ZNF793: variants seen among roughly 807,000 people sequenced by gnomAD.
The protein encoded by ZNF793 is zinc finger protein 793.
Under a neutral mutation model 12.4 loss-of-function variants are expected in ZNF793, and 5 were observed. The ratio of observed to expected loss-of-function variants is 0.40; its 90% CI spans 0.21 to 0.84. ZNF793 has a LOEUF of 0.84. Among genes scored for constraint, ZNF793 ranks in the 40% least tolerant of loss-of-function variants. The pLI, the probability that ZNF793 is intolerant of heterozygous loss-of-function variation, is 0.35. For missense variants in ZNF793, 456 were observed against 495.0 expected (o/e 0.92, Z 0.75); for synonymous variants, 162 against 172.4 (o/e 0.94, Z 0.47).
In ZNF793 at chr19:37,537,360, A is replaced by G. The variant is rs561899372; in HGVS notation, c.702A>G (p.Lys234=). Residue 234 remains lysine (K), a synonymous_variant, in exon 8 of 8, where the codon AAA becomes AAG. Coordinates refer to ENST00000627814, the MANE Select transcript of ZNF793 (RefSeq NM_001013659.3). ...EKPHVCSECG[K]AFCYKSEFIR... is the part of the protein sequence containing the mutation. ...CCCACGTCTGTAGTGAGTGTGGGAA[A>G]GCCTTCTGCTACAAGTCTGAATTCA... 2.0e-4 allele frequency: 325 copies of G among 1,613,168 alleles called. 5 individuals carry two copies. In the South Asian group the frequency reaches 3.3e-3, roughly 17 times the overall value.
At chr19:37,520,003 G>C (rs78409487) in intron 2 of ZNF793, among the ~76,000 whole-genome samples, 181 bp from the exon 3 acceptor site, 1 of 152,182 alleles carries the variant, frequency 6.6e-6, no homozygotes, top group Admixed American at 6.5e-5. Context: ...GTCATTCCTT[G>C]GCTCAGGGAG....
At chr19:37,534,538 A>T (rs2042488875) in intron 7 of ZNF793, 1 of 151,788 alleles carries the variant, frequency 6.6e-6, no homozygotes, top group African/African-American at 2.4e-5. Context: ...ACACCACTTC[A>T]TCTTGCTTAT....
chr19:37,521,898 A>AT lies in ZNF793; in HGVS notation c.-146-633dup, dbSNP rs1233325946. 2.0e-5 allele frequency among the ~76,000 whole-genome samples: 3 copies of AT among 152,234 alleles called. No homozygotes were observed. In the South Asian group the frequency reaches 6.2e-4, roughly 32 times the overall value. On this transcript the variant is annotated intron_variant, in intron 3 of 7. Transcript: ENST00000627814. ...TATATACAAATATATATGTATATAGATAATTATGTTATATCATAAATATAT... is the reference window on the plus strand; with the variant it reads ...TATATACAAATATATATGTATATAGATTAATTATGTTATATCATAAATATAT...
rs2042552614 is a variant in ZNF793 at position 37,541,648 on chromosome 19, C to T, written c.*3769C>T. 6.6e-6 allele frequency: 1 copy of T among 151,776 alleles called. No homozygotes were observed. Among genetic ancestry groups the T allele is most frequent in the Non-Finnish European group, 1.5e-5 (1 of 68,020 alleles). The allele number at this position is 151,776 out of a possible 1,614,324, so 9.4% of individuals were successfully genotyped here. On this transcript the variant is annotated 3_prime_UTR_variant, in exon 8 of 8. Coordinates refer to ENST00000627814, the MANE Select transcript of ZNF793 (RefSeq NM_001013659.3). Reference sequence around the variant, plus strand: ...GAGCTGAGATTGCACCACTGCACTCCAGCCTGGGCAACAGAGCAAGACTCC... The same window carrying T: ...GAGCTGAGATTGCACCACTGCACTCTAGCCTGGGCAACAGAGCAAGACTCC...
chr19:37,529,849 C>T (rs1600417594), intron 5 of ZNF793, among the ~76,000 whole-genome samples: 2 of 152,072 alleles, frequency 1.3e-5, no homozygotes, highest in African/African-American at 2.4e-5. Flanking sequence ...GGGTGTTTTT[C>T]GTTAGGTGGA....
chr19:37,509,812 G>A (rs780442031), intron 2 of ZNF793, among the ~76,000 whole-genome samples: 3 of 152,142 alleles, frequency 2.0e-5, no homozygotes, highest in Non-Finnish European at 4.4e-5. Flanking sequence ...ATACCCCTGG[G>A]TAATGCACTC....
chr19:37,524,152 AAATAAT>A (rs200203820), intron 5 of ZNF793, among the ~76,000 whole-genome samples: 23,084 of 138,716 alleles, frequency 0.17, 1,967 homozygotes, highest in East Asian at 0.26. Flanking sequence ...CTCCATCTCA[AAATAAT>A]AATAATAATA....
At chr19:37,507,964 G>A (rs561810455) in intron 1 of ZNF793, among the ~76,000 whole-genome samples, 1 of 152,228 alleles carries the variant, frequency 6.6e-6, no homozygotes, top group Admixed American at 6.5e-5. Context: ...TGGTGTTGAG[G>A]GTCCTGAAAT....
Position 37,532,364 on chromosome 19 carries a change from G to C in ZNF793, c.24G>C (p.Val8=). 6.2e-7 allele frequency: 1 copy of C among 1,613,826 alleles called. No individual in the cohort carries two copies. Among genetic ancestry groups the C allele is most frequent in the East Asian group, 2.2e-5 (1 of 44,872 alleles). Residue 8 remains valine, a synonymous_variant, in exon 6 of 8, where the codon GTG becomes GTC. Coordinates refer to ENST00000627814, the MANE Select transcript of ZNF793 (RefSeq NM_001013659.3). ...CATTTTTGTTTCAACAGATACCTGTGTCATTCAAAGATGTGGTTGTGGGCT... is the reference window on the plus strand; with the variant it reads ...CATTTTTGTTTCAACAGATACCTGTCTCATTCAAAGATGTGGTTGTGGGCT... MIEYQIP[V]SFKDVVVGFT...
intron 2 of ZNF793, among the ~76,000 whole-genome samples, chr19:37,515,300 TTTTTTTC>T (rs1473329641): frequency 2.0e-5 from 3 of 151,810 alleles, no homozygotes; most frequent in African/African-American, 4.8e-5. Flanking sequence ...GACTTTTTTC[TTTTTTTC>T]TTTTTTCTTT....
rs574010164 is a variant in ZNF793 at position 37,538,175 on chromosome 19, A to C, written c.*296A>C. 2 of 277,324 alleles carry C rather than the reference A, an allele frequency of 7.2e-6. No individual in the cohort carries two copies. The highest frequency in any genetic ancestry group is 7.5e-5 in the East Asian group (1 of 13,398). 17.2% of individuals were successfully genotyped at this position (277,324 alleles called of 1,614,324 possible). ...TGTGATCTGCCCGCCTTGTCCTCCC[A>C]AAGTGCTGGGATTACAGGCGTGAGC... On this transcript the variant is annotated 3_prime_UTR_variant, in exon 8 of 8. Transcript: ENST00000627814.
Position 37,539,749 on chromosome 19 carries a change from A to G in ZNF793, c.*1870A>G, listed in dbSNP as rs940138035. Reference sequence around the variant, plus strand: ...ATAAACTTAAGTTATGAAAACTGCAATAAGAAGTAGAAAACTTGGTAGGAT... The same window carrying G: ...ATAAACTTAAGTTATGAAAACTGCAGTAAGAAGTAGAAAACTTGGTAGGAT... On this transcript the variant is annotated 3_prime_UTR_variant, in exon 8 of 8. Transcript: ENST00000627814. 3 of 152,220 alleles carry G rather than the reference A, an allele frequency of 2.0e-5. No individual in the cohort carries two copies. Among genetic ancestry groups the G allele is most frequent in the Non-Finnish European group, 4.4e-5 (3 of 68,036 alleles). The allele number at this position is 152,220 out of a possible 1,614,324, so 9.4% of individuals were successfully genotyped here.
intron 5 of ZNF793, among the ~76,000 whole-genome samples, chr19:37,528,932 A>G (rs779988152): frequency 6.6e-6 from 1 of 151,982 alleles, no homozygotes; most frequent in Non-Finnish European, 1.5e-5. Flanking sequence ...TCCATTCCTG[A>G]TCTTGCTCCT....
At position 37,538,539 on chromosome 19, in the gene ZNF793, C is replaced by G. The variant is rs372863287; in HGVS notation, c.*660C>G. On this transcript the variant is annotated 3_prime_UTR_variant, in exon 8 of 8. Transcript: ENST00000627814. Reference sequence around the variant, plus strand: ...GTCTCGAACTCCTGACCTCGTGATACCCCCCAACCCCCCGCCCTTGGCCTC... The same window carrying G: ...GTCTCGAACTCCTGACCTCGTGATAGCCCCCAACCCCCCGCCCTTGGCCTC... 157 of 152,244 alleles carry G rather than the reference C, an allele frequency of 1.0e-3. 3 individuals carry two copies. The South Asian group carries it at 0.027, about 26-fold the overall frequency. 9.4% of individuals were successfully genotyped at this position (152,244 alleles called of 1,614,324 possible).
intron 5 of ZNF793, among the ~76,000 whole-genome samples, chr19:37,525,499 C>G (rs1158074764): frequency 3.5e-5 from 5 of 143,130 alleles, no homozygotes; most frequent in Non-Finnish European, 7.5e-5. Flanking sequence ...TGCAGTGGCA[C>G]GATCTCGGCT....
chr19:37,537,525 G>A lies in ZNF793; in HGVS notation c.867G>A (p.Gly289=). 1.9e-6 allele frequency: 3 copies of A among 1,614,008 alleles called. No homozygotes were observed. The South Asian group carries it at 3.3e-5, about 18-fold the overall frequency. The part of the protein sequence containing the change: ...GVRPFECFFC[G]KAFTQKSHRT... ...GACCCTTTGAATGTTTTTTTTGTGG[G>A]AAAGCCTTTACCCAGAAGTCACACC... Residue 289 remains glycine (G), a synonymous_variant, in exon 8 of 8, where the codon GGG becomes GGA. Transcript: ENST00000627814.
intron 5 of ZNF793, among the ~76,000 whole-genome samples, chr19:37,527,313 C>A (rs2042423784): frequency 3.3e-5 from 5 of 152,136 alleles, no homozygotes; most frequent in Non-Finnish European, 7.4e-5. Context: ...CTCAGCCTCC[C>A]AAAGTGCTGA....
intron 2 of ZNF793, among the ~76,000 whole-genome samples, chr19:37,512,125 C>T (rs2042298519): frequency 6.6e-6 from 1 of 152,162 alleles, no homozygotes; most frequent in African/African-American, 2.4e-5. Flanking sequence ...AGCAGCTAAC[C>T]TCTTCTTTAA....
At chr19:37,516,874 G>A (rs970493450) in intron 2 of ZNF793, among the ~76,000 whole-genome samples, 1 of 151,804 alleles carries the variant, frequency 6.6e-6, no homozygotes, top group Non-Finnish European at 1.5e-5. Context: ...TTGAACTCCT[G>A]GCCTCAAGCG....
Sources: allele counts gnomAD v4.1 joint callset (sites outside exome capture counted in the v4.1 genomes callset), GRCh38; gene constraint gnomAD v4.1.1; transcripts MANE v1.5; gene names NCBI Gene and HGNC (gene_info 2026-07-23, HGNC 2026-07-21).